Variants in CNTNAP5 observed in about 807,000 individuals in gnomAD.
CNTNAP5 encodes contactin-associated protein-like 5.
Under a neutral mutation model 150.2 loss-of-function variants are expected in CNTNAP5, and 72 were observed. That is an observed-to-expected ratio of 0.48 (90% CI 0.40 to 0.58). The LOEUF (loss-of-function observed/expected upper bound fraction) is 0.58, where lower values mean the gene tolerates loss of function less well. Among genes scored for constraint, CNTNAP5 ranks in the 20% least tolerant of loss-of-function variants. CNTNAP5 has a pLI of 0.00. For synonymous variants in CNTNAP5, 672 were observed against 619.8 expected (o/e 1.08, Z -1.25); for missense variants, 1,636 against 1,626.2 (o/e 1.01, Z -0.10).
intron 12 of CNTNAP5, among the ~76,000 whole-genome samples, chr2:124,612,535 T>C (rs570966009): frequency 6.6e-5 from 10 of 152,280 alleles, no homozygotes; most frequent in Non-Finnish European, 1.3e-4. Context: ...CCAGGGTTTA[T>C]GTTTGATCAT....
At chr2:124,451,669 C>G (rs1482603717) in intron 6 of CNTNAP5, among the ~76,000 whole-genome samples, 1 of 152,050 alleles carries the variant, frequency 6.6e-6, no homozygotes, top group Non-Finnish European at 1.5e-5. Flanking sequence ...CCAAAAGAAG[C>G]AGATTGCTTC....
At chr2:124,278,466 C>T (rs771903856) in intron 3 of CNTNAP5, among the ~76,000 whole-genome samples, 2 of 152,102 alleles carry the variant, frequency 1.3e-5, no homozygotes, top group African/African-American at 2.4e-5. Flanking sequence ...TCCCAGATGG[C>T]CCATCATGGG....
chr2:124,713,772 C>A (rs779460102), intron 13 of CNTNAP5, among the ~76,000 whole-genome samples: 38 of 152,140 alleles, frequency 2.5e-4, no homozygotes, highest in Non-Finnish European at 5.0e-4. Context: ...AAAACAGAAA[C>A]CTGATCTTCT....
At chr2:124,219,989 G>T (rs186709667) in intron 1 of CNTNAP5, among the ~76,000 whole-genome samples, 1 of 151,910 alleles carries the variant, frequency 6.6e-6, no homozygotes, top group East Asian at 1.9e-4. Flanking sequence ...ATTTGTATTT[G>T]GGAAAAACTC....
chr2:124,624,008 G>T (rs536690704), intron 12 of CNTNAP5, among the ~76,000 whole-genome samples: 3 of 152,138 alleles, frequency 2.0e-5, no homozygotes, highest in African/African-American at 4.8e-5. Context: ...TCTCTCTAAT[G>T]GGTTTATGAT....
chr2:124,838,030 GC>G (rs1374602658), intron 19 of CNTNAP5, among the ~76,000 whole-genome samples: 1 of 152,082 alleles, frequency 6.6e-6, no homozygotes, highest in Non-Finnish European at 1.5e-5. Context: ...AGAGGATCAA[GC>G]CTAAGCTGAC....
chr2:124,913,310 T>C (rs778709884), intron 23 of CNTNAP5, among the ~76,000 whole-genome samples: 15 of 152,146 alleles, frequency 9.9e-5, no homozygotes, highest in Non-Finnish European at 1.6e-4. Flanking sequence ...TTTTCACTAT[T>C]CCTTTATTGA....
intron 1 of CNTNAP5, among the ~76,000 whole-genome samples, chr2:124,113,664 T>C (rs1035943371): frequency 2.6e-5 from 4 of 151,980 alleles, no homozygotes; most frequent in Non-Finnish European, 5.9e-5. Flanking sequence ...GATAAGTTCT[T>C]AATTTTACTA....
intron 3 of CNTNAP5, among the ~76,000 whole-genome samples, chr2:124,416,717 G>A (rs1323037626): frequency 6.6e-6 from 1 of 152,002 alleles, no homozygotes; most frequent in Admixed American, 6.6e-5. Context: ...ATAATGGAAA[G>A]TGCTTAGCAT....
chr2:124,676,043 A>G (rs1402408056), intron 13 of CNTNAP5, among the ~76,000 whole-genome samples: 2 of 152,154 alleles, frequency 1.3e-5, no homozygotes, highest in African/African-American at 2.4e-5. Flanking sequence ...TTAATTGTTT[A>G]CTGGACTAAT....
At chr2:124,331,550 G>A (rs147348605) in intron 3 of CNTNAP5, among the ~76,000 whole-genome samples, 257 of 150,920 alleles carry the variant, frequency 1.7e-3, no homozygotes, top group African/African-American at 5.5e-3. Context: ...CTCAGTTTGA[G>A]GTCAAAAAGA....
intron 3 of CNTNAP5, among the ~76,000 whole-genome samples, chr2:124,375,802 T>A (rs1258331651): frequency 1.3e-5 from 2 of 152,094 alleles, no homozygotes; most frequent in African/African-American, 4.8e-5. Context: ...GTTAAAAAAC[T>A]ACATCATTCC....
intron 10 of CNTNAP5, among the ~76,000 whole-genome samples, chr2:124,538,661 GGAAA>G (rs542416447): frequency 6.1e-4 from 91 of 149,850 alleles, no homozygotes; most frequent in East Asian, 2.0e-3. Flanking sequence ...AAAGAAGGAA[GGAAA>G]GAAAGAAAGG....
intron 12 of CNTNAP5, among the ~76,000 whole-genome samples, chr2:124,615,564 C>G (rs1174300473): frequency 6.6e-6 from 1 of 152,162 alleles, no homozygotes; most frequent in African/African-American, 2.4e-5. Flanking sequence ...GCAGTTACTC[C>G]CTCCACTGAA....
intron 14 of CNTNAP5, among the ~76,000 whole-genome samples, chr2:124,760,562 C>T (rs1313944457): frequency 6.6e-6 from 1 of 152,008 alleles, no homozygotes; most frequent in African/African-American, 2.4e-5. Context: ...TACCCTTGCT[C>T]TTGAGAATAT....
chr2:124,854,867 GGGGCAAGTGGGGACCTGGGTCACAT>G (rs1246534016), intron 19 of CNTNAP5, among the ~76,000 whole-genome samples: 2 of 152,178 alleles, frequency 1.3e-5, no homozygotes, highest in African/African-American at 4.8e-5. Flanking sequence ...ATTAGTCTTT[GGGGCAAGTGGGGACCTGGGTCACAT>G]GGACTGGGTC....
At chr2:124,647,461 C>T (rs914356476) in intron 12 of CNTNAP5, among the ~76,000 whole-genome samples, 10 of 152,216 alleles carry the variant, frequency 6.6e-5, no homozygotes, top group African/African-American at 9.6e-5. Flanking sequence ...TTTGACATAG[C>T]GGTATTGCTT....
At chr2:124,624,308 T>G (rs1237989155) in intron 12 of CNTNAP5, among the ~76,000 whole-genome samples, 1 of 152,216 alleles carries the variant, frequency 6.6e-6, no homozygotes, top group Admixed American at 6.5e-5. Flanking sequence ...GCCAGTTGAC[T>G]CCAACCCACA....
rs536762084 is a variant in CNTNAP5 at position 124,107,240 on chromosome 2, T to A, written c.82+81508T>A. Among the ~76,000 whole-genome samples the A allele has an allele frequency of 5.3e-5, 8 of 152,256 alleles. No homozygotes were observed. The South Asian group carries it at 1.7e-3, about 32-fold the overall frequency. ...TGAGGAAGAAAAGCTGGACCTGGAATTGAGAACAATGAGGGCTATTGGAAA... is the reference window on the plus strand; with the variant it reads ...TGAGGAAGAAAAGCTGGACCTGGAAATGAGAACAATGAGGGCTATTGGAAA... On this transcript the variant is annotated intron_variant, in intron 1 of 23. Transcript: ENST00000682447.
Sources: allele counts gnomAD v4.1 joint callset (sites outside exome capture counted in the v4.1 genomes callset), GRCh38; gene constraint gnomAD v4.1.1; transcripts MANE v1.5; gene names NCBI Gene and HGNC (gene_info 2026-07-23, HGNC 2026-07-21).